BACH2: variants seen among roughly 807,000 people sequenced by gnomAD.
BACH2 encodes the protein transcription regulator protein BACH2.
A neutral mutation model predicts 61.8 loss-of-function variants in BACH2; 5 were observed. The ratio of observed to expected loss-of-function variants is 0.08; its 90% CI spans 0.04 to 0.17. BACH2 has a LOEUF of 0.17. Ranked by LOEUF, BACH2 falls within the 10% of genes least tolerant of loss-of-function variation. The pLI is 1.00. For synonymous variants in BACH2, 446 were observed against 440.1 expected (o/e 1.01, Z -0.17); for missense variants, 824 against 1,091.1 (o/e 0.76, Z 3.45).
intron 3 of BACH2, among the ~76,000 whole-genome samples, chr6:90,225,398 A>G (rs1769879972): frequency 1.3e-5 from 2 of 152,126 alleles, no homozygotes; most frequent in Admixed American, 1.3e-4. Flanking sequence ...TTAAAAAAAT[A>G]CAGACAAAAT....
chr6:90,261,660 T>C (rs1771161815), intron 2 of BACH2, among the ~76,000 whole-genome samples: 1 of 152,174 alleles, frequency 6.6e-6, no homozygotes, highest in African/African-American at 2.4e-5. Flanking sequence ...TCATTCCTTC[T>C]AAAGCTTCTT....
At chr6:90,219,009 G>A (rs1390854598) in intron 3 of BACH2, among the ~76,000 whole-genome samples, 1 of 151,132 alleles carries the variant, frequency 6.6e-6, no homozygotes, top group Non-Finnish European at 1.5e-5. Context: ...GAGAGAACCA[G>A]TCTAGTATTA....
chr6:89,936,507 G>A (rs292251), intron 8 of BACH2, among the ~76,000 whole-genome samples: 89,571 of 152,036 alleles, frequency 0.59, 27,306 homozygotes, highest in Non-Finnish European at 0.67. Flanking sequence ...CAGAGAGGAA[G>A]TGGCATAGGC....
chr6:90,026,557 G>C (rs557274222), intron 5 of BACH2, among the ~76,000 whole-genome samples: 43 of 152,256 alleles, frequency 2.8e-4, no homozygotes, highest in African/African-American at 1.0e-3. Context: ...GATGTTAAGA[G>C]ACTGGATTGT....
chr6:90,222,942 C>T lies in BACH2; in HGVS notation c.-274-16261G>A, dbSNP rs192335321. Among the ~76,000 whole-genome samples, 9 of 152,284 alleles carry T rather than the reference C, an allele frequency of 5.9e-5. 1 individual carries two copies. Among genetic ancestry groups the T allele is most frequent in the Admixed American group, 5.2e-4 (8 of 15,294 alleles). Reference sequence around the variant, plus strand: ...GAAACTACTCAACCCGCCACTCTGGCGCGCACCCCTGCTCTCTTTAAAACA... The same window carrying T: ...GAAACTACTCAACCCGCCACTCTGGTGCGCACCCCTGCTCTCTTTAAAACA... On this transcript the variant is annotated intron_variant, in intron 3 of 8. Transcript: ENST00000257749.
rs762171730 is a variant in BACH2 at position 89,951,745 on chromosome 6, G to A, written c.361C>T (p.Leu121=). 10 of 1,614,234 alleles carry A rather than the reference G, an allele frequency of 6.2e-6. No individual in the cohort carries two copies. In the South Asian group the frequency reaches 8.8e-5, roughly 14 times the overall value. Reference sequence around the variant, plus strand: ...AGGAAGCTGAAGCAGGAGTCCTCCAGGTTGTGCATGCGCAGGAACTCAGCA... The same window carrying A: ...AGGAAGCTGAAGCAGGAGTCCTCCAAGTTGTGCATGCGCAGGAACTCAGCA... ...RCAEFLRMHN[L]EDSCFSFLQT... Residue 121 remains leucine (L), a synonymous_variant, in exon 7 of 9, where the codon CTG becomes TTG. Coordinates refer to ENST00000257749, the MANE Select transcript of BACH2 (RefSeq NM_021813.4). This position sits in a 1 kb window ranked among gnomAD's most constrained non-coding sequence, Gnocchi z 6.4.
chr6:90,135,109 T>C (rs192703090), intron 4 of BACH2, among the ~76,000 whole-genome samples: 1 of 152,304 alleles, frequency 6.6e-6, no homozygotes, highest in Non-Finnish European at 1.5e-5. Flanking sequence ...GCTAAAGCCA[T>C]TTTCTTCCGA....
intron 3 of BACH2, among the ~76,000 whole-genome samples, chr6:90,215,877 C>T (rs964084218): frequency 6.6e-6 from 1 of 152,124 alleles, no homozygotes; most frequent in Non-Finnish European, 1.5e-5. Flanking sequence ...CAGGCAGTTA[C>T]CCCAAGGAAA....
At chr6:90,014,469 T>TATGTA (rs540765610) in intron 5 of BACH2, among the ~76,000 whole-genome samples, 1 of 35,734 alleles carries the variant, frequency 2.8e-5, no homozygotes, top group Admixed American at 3.6e-4. Context: ...TATATATATA[T>TATGTA]TTTTTTTTTT....
intron 5 of BACH2, among the ~76,000 whole-genome samples, chr6:90,011,718 C>T (rs1318048840): frequency 6.6e-6 from 1 of 151,904 alleles, no homozygotes. Flanking sequence ...GTCAGGAGTT[C>T]GAGACCAGCC....
intron 3 of BACH2, among the ~76,000 whole-genome samples, chr6:90,235,674 A>G (rs895977444): frequency 5.3e-5 from 8 of 152,356 alleles, no homozygotes; most frequent in Middle Eastern, 3.4e-3. Flanking sequence ...TTAAATTTAA[A>G]AACATTTTTA....
chr6:90,280,720 A>G (rs1160189469), intron 1 of BACH2, among the ~76,000 whole-genome samples: 3 of 152,174 alleles, frequency 2.0e-5, no homozygotes, highest in Non-Finnish European at 4.4e-5. Context: ...CTGCTGGTCC[A>G]GGGACCAGGC....
chr6:90,050,913 A>T (rs1050620565), intron 5 of BACH2, among the ~76,000 whole-genome samples: 5 of 152,034 alleles, frequency 3.3e-5, no homozygotes, highest in African/African-American at 1.2e-4. Flanking sequence ...TTGGGATTAC[A>T]GGTGCCTACT....
chr6:90,178,162 C>T (rs1228497813), intron 4 of BACH2, among the ~76,000 whole-genome samples: 2 of 152,156 alleles, frequency 1.3e-5, no homozygotes, highest in Non-Finnish European at 2.9e-5. Context: ...CGCCCTCCTT[C>T]CTGGGGAAAT....
intron 6 of BACH2, among the ~76,000 whole-genome samples, chr6:89,961,017 T>C (rs1774713603): frequency 6.6e-6 from 1 of 152,232 alleles, no homozygotes. Context: ...TGTGGAACCT[T>C]CGTTTCAACT....
At chr6:89,994,419 G>A (rs1274013045) in intron 6 of BACH2, among the ~76,000 whole-genome samples, 1 of 152,172 alleles carries the variant, frequency 6.6e-6, no homozygotes, top group Non-Finnish European at 1.5e-5. Flanking sequence ...ATTTAAATAT[G>A]GGAAAAGGTC....
intron 5 of BACH2, among the ~76,000 whole-genome samples, chr6:90,043,168 C>T (rs924695815): frequency 6.6e-6 from 1 of 152,138 alleles, no homozygotes; most frequent in Non-Finnish European, 1.5e-5. Flanking sequence ...TAAATTGTTG[C>T]TTCCTGGTAG....
intron 7 of BACH2, among the ~76,000 whole-genome samples, chr6:89,949,243 G>C (rs1312312446): frequency 6.6e-6 from 1 of 152,162 alleles, no homozygotes; most frequent in Non-Finnish European, 1.5e-5. Flanking sequence ...TTCTTCCTGT[G>C]TTTTTGGGAT....
intron 5 of BACH2, among the ~76,000 whole-genome samples, chr6:90,088,536 A>G (rs940692747): frequency 1.3e-5 from 2 of 152,158 alleles, no homozygotes; most frequent in African/African-American, 4.8e-5. Context: ...TCTTAATTTA[A>G]TGCTATTTAT....
Sources: allele counts gnomAD v4.1 joint callset (sites outside exome capture counted in the v4.1 genomes callset), GRCh38; gene constraint gnomAD v4.1.1; non-coding constraint Gnocchi (gnomAD v3.1); transcripts MANE v1.5; gene names NCBI Gene and HGNC (gene_info 2026-07-23, HGNC 2026-07-21).